The following SLC25A20 variants were observed in gnomAD, a reference collection of about 807,000 sequenced individuals.
SLC25A20 encodes the protein solute carrier family 25 member 20, also known as mitochondrial carnitine/acylcarnitine carrier protein.
SLC25A20 carries 29 observed loss-of-function variants against 39.7 expected under a neutral mutation model. That is an observed-to-expected ratio of 0.73 (90% CI 0.54 to 1.00). SLC25A20 has a LOEUF of 1.00. Among genes scored for constraint, SLC25A20 ranks in the 50% least tolerant of loss-of-function variants. The pLI is 0.00. For missense variants in SLC25A20, 333 were observed against 379.9 expected, an observed-to-expected ratio of 0.88 and a Z score of 1.03; for synonymous variants, 103 against 142.2, an observed-to-expected ratio of 0.72 and a Z score of 1.96.
At chr3:48,894,031 C>T (rs1037786314) in intron 1 of SLC25A20, among the ~76,000 whole-genome samples, 14 of 150,310 alleles carry the variant, frequency 9.3e-5, no homozygotes, top group South Asian at 2.1e-4. Flanking sequence ...TGTGGTGGCA[C>T]GCACCTGTAA....
intron 1 of SLC25A20, 111 bp downstream of exon 1, chr3:48,898,579 G>A (rs1007315004): frequency 1.1e-5 from 11 of 977,952 alleles, no homozygotes; most frequent in Non-Finnish European, 1.4e-5. Context: ...ACTTCTCACG[G>A]AAGCTCACAC....
chr3:48,862,400 G>C (rs562923760), intron 5 of SLC25A20, 142 bp downstream of exon 5: 2 of 720,968 alleles, frequency 2.8e-6, no homozygotes, highest in Non-Finnish European at 5.2e-6. Context: ...CTGGCCAGGG[G>C]GAGATGCTTA....
At chr3:48,870,616 C>A (rs113095539) in intron 4 of SLC25A20, among the ~76,000 whole-genome samples, 66 of 142,658 alleles carry the variant, frequency 4.6e-4, no homozygotes, top group Middle Eastern at 7.5e-3. Flanking sequence ...TGGGTTCAAG[C>A]TGTCTTCCTG....
intron 1 of SLC25A20, among the ~76,000 whole-genome samples, chr3:48,898,422 C>G (rs2083925252): frequency 1.3e-5 from 2 of 152,210 alleles, no homozygotes; most frequent in South Asian, 4.1e-4. Flanking sequence ...AAAGAAGTGG[C>G]GCAGGGTCAG....
chr3:48,879,337 C>T, intron 4 of SLC25A20, 21 bp downstream of exon 4: 2 of 1,532,092 alleles, frequency 1.3e-6, no homozygotes, highest in Non-Finnish European at 1.8e-6. Context: ...AAAGCTATTT[C>T]CCCTCCAATC....
intron 4 of SLC25A20, among the ~76,000 whole-genome samples, chr3:48,870,154 C>T (rs960592692): frequency 1.3e-5 from 2 of 152,144 alleles, no homozygotes; most frequent in Non-Finnish European, 2.9e-5. Context: ...AATCCCAGCA[C>T]TTTGGGAGGC....
intron 1 of SLC25A20, among the ~76,000 whole-genome samples, chr3:48,898,450 G>C (rs575830835): frequency 6.6e-6 from 1 of 152,358 alleles, no homozygotes; most frequent in East Asian, 1.9e-4. Context: ...TGCGGGACAG[G>C]GAACTTTACA....
At chr3:48,870,565 T>C (rs1354932722) in intron 4 of SLC25A20, among the ~76,000 whole-genome samples, 1 of 150,020 alleles carries the variant, frequency 6.7e-6, no homozygotes, top group African/African-American at 2.4e-5. Context: ...TTTCTTTTTT[T>C]TTTTTTTTTT....
chr3:48,889,392 A>T (rs749848519), intron 2 of SLC25A20, among the ~76,000 whole-genome samples: 54 of 151,074 alleles, frequency 3.6e-4, no homozygotes, highest in Non-Finnish European at 5.6e-4. Flanking sequence ...CATGTCTCAA[A>T]ATATATATAT....
intron 4 of SLC25A20, among the ~76,000 whole-genome samples, chr3:48,875,085 T>C (rs967550282): frequency 7.0e-6 from 1 of 142,598 alleles, no homozygotes. Context: ...AAAAAAATTA[T>C]ACTGAGTTTA....
In SLC25A20 at chr3:48,857,539, T is replaced by C. The variant is rs1024474112; in HGVS notation, c.*171A>G. On this transcript the variant is annotated 3_prime_UTR_variant, in exon 9 of 9. Transcript: ENST00000319017. Reference sequence around the variant, plus strand: ...AGTTTCAAAATGACACACTAAGTTATACACGGTGCAGGATGTCATTAAGGC... The same window carrying C: ...AGTTTCAAAATGACACACTAAGTTACACACGGTGCAGGATGTCATTAAGGC... 9 of 652,246 alleles carry C rather than the reference T, an allele frequency of 1.4e-5. No homozygotes were observed. The African/African-American group carries it at 1.6e-4, about 12-fold the overall frequency. 40.4% of individuals were successfully genotyped at this position (652,246 alleles called of 1,614,324 possible). A position where few individuals can be genotyped will look rare whatever the true frequency, so the allele number is the denominator to read the frequency against.
intron 8 of SLC25A20, among the ~76,000 whole-genome samples, chr3:48,858,132 T>G (rs939823399): frequency 6.6e-6 from 1 of 151,970 alleles, no homozygotes; most frequent in East Asian, 1.9e-4. Context: ...CACGCCCAGC[T>G]AATTTTTGTA....
chr3:48,887,420 C>G (rs2083837472), intron 2 of SLC25A20, among the ~76,000 whole-genome samples: 1 of 152,232 alleles, frequency 6.6e-6, no homozygotes, highest in African/African-American at 2.4e-5. Context: ...CTCACCACAA[C>G]TCCAGGACCC....
intron 4 of SLC25A20, among the ~76,000 whole-genome samples, chr3:48,869,357 A>G (rs2106642987): frequency 6.6e-6 from 1 of 152,268 alleles, no homozygotes; most frequent in South Asian, 2.1e-4. Flanking sequence ...TGCTTGAAAA[A>G]AATTTTTTGG....
intron 5 of SLC25A20, among the ~76,000 whole-genome samples, chr3:48,862,203 T>A (rs1319848732): frequency 6.6e-6 from 1 of 152,056 alleles, no homozygotes; most frequent in Non-Finnish European, 1.5e-5. Flanking sequence ...ACTGCCACTA[T>A]AACAGGACAT....
intron 4 of SLC25A20, among the ~76,000 whole-genome samples, chr3:48,877,782 T>C (rs1024224956): frequency 6.6e-6 from 1 of 151,374 alleles, no homozygotes; most frequent in Admixed American, 6.6e-5. Context: ...AAGAAAGACA[T>C]GACATCTCAG....
chr3:48,897,010 C>A (rs575871289), intron 1 of SLC25A20, among the ~76,000 whole-genome samples: 3 of 151,890 alleles, frequency 2.0e-5, no homozygotes, highest in South Asian at 4.2e-4. Context: ...GCAGCTTTTG[C>A]CTTGTCAGGA....
intron 4 of SLC25A20, among the ~76,000 whole-genome samples, chr3:48,868,394 A>G (rs928298130): frequency 6.6e-6 from 1 of 152,178 alleles, no homozygotes; most frequent in Non-Finnish European, 1.5e-5. Context: ...CCTAGGTCAA[A>G]ATCAATAGAT....
intron 6 of SLC25A20, 63 bp from the exon 7 acceptor site, chr3:48,859,264 C>A (rs1331658010): frequency 2.7e-6 from 4 of 1,460,988 alleles, no homozygotes; most frequent in Non-Finnish European, 3.8e-6. Flanking sequence ...TCAGACTATC[C>A]TGCCTGTGGC....
Sources: gnomAD v4.1 joint callset for allele counts (sites outside exome capture counted in the v4.1 genomes callset) on GRCh38, gnomAD v4.1.1 for gene constraint, MANE v1.5 for transcripts, NCBI Gene and HGNC (gene_info 2026-07-23, HGNC 2026-07-21) for gene names.